Variants in CASZ1 observed in about 807,000 individuals in gnomAD.
CASZ1 encodes zinc finger protein castor homolog 1.
CASZ1 carries 28 observed loss-of-function variants against 135.2 expected under a neutral mutation model. The observed-to-expected ratio is 0.21, with a 90% confidence interval of 0.15 to 0.28. The LOEUF (loss-of-function observed/expected upper bound fraction) is 0.28, where lower values mean the gene tolerates loss of function less well. Ranked by LOEUF, CASZ1 falls within the 10% of genes least tolerant of loss-of-function variation. The pLI, the probability that CASZ1 is intolerant of heterozygous loss-of-function variation, is 1.00. For missense variants in CASZ1, 2,161 were observed against 2,453.3 expected (o/e 0.88, Z 2.52); for synonymous variants, 1,068 against 1,073.4 (o/e 0.99, Z 0.10).
intron 2 of CASZ1, among the ~76,000 whole-genome samples, chr1:10,730,151 C>G (rs1039963591): frequency 6.6e-6 from 1 of 151,938 alleles, no homozygotes; most frequent in Non-Finnish European, 1.5e-5. Flanking sequence ...TGCTCTGTCA[C>G]CCAGGCTGGA....
chr1:10,716,006 C>T (rs1393105287), intron 2 of CASZ1, among the ~76,000 whole-genome samples: 1 of 143,004 alleles, frequency 7.0e-6, no homozygotes, highest in African/African-American at 2.7e-5. Context: ...CCCACAGCAC[C>T]CAATCCACAC....
chr1:10,776,801 C>T lies in CASZ1; in HGVS notation c.-233-15944G>A, dbSNP rs1439275727. Among the ~76,000 whole-genome samples, 1 of 152,186 alleles carries T rather than the reference C, an allele frequency of 6.6e-6. No individual in the cohort carries two copies. The highest frequency in any genetic ancestry group is 2.4e-5 in the African/African-American group (1 of 41,438). The stretch of plus-strand genomic sequence containing the variant: ...TATGGGGGCCAACCCTCTTGCTCAT[C>T]TTGGGAGGTGGCTGCTTGCCAGCGA... On this transcript the variant is annotated intron_variant, in intron 1 of 20. Coordinates refer to ENST00000377022, the MANE Select transcript of CASZ1 (RefSeq NM_001079843.3). The surrounding 1 kb of genome is among the most constrained non-coding windows in gnomAD (Gnocchi z 4.1).
intron 2 of CASZ1, among the ~76,000 whole-genome samples, chr1:10,748,639 G>A (rs531228001): frequency 3.9e-5 from 6 of 152,144 alleles, no homozygotes; most frequent in African/African-American, 9.6e-5. Flanking sequence ...TCAGCTCCCC[G>A]ACCTGACCAC....
In CASZ1 at chr1:10,657,260, C is replaced by A. The variant is rs1008032075; in HGVS notation, c.1410-524G>T. On this transcript the variant is annotated intron_variant, in intron 7 of 20. Transcript: ENST00000377022. This position sits in a 1 kb window ranked among gnomAD's most constrained non-coding sequence, Gnocchi z 5.7. ...AGCAACGAGCTCACTCTCCAGCCGC[C>A]GCCGCCACCGCCAGGAACCTGTGCT... Among the ~76,000 whole-genome samples the A allele has an allele frequency of 6.6e-6, 1 of 152,228 alleles. No homozygotes were observed. Among genetic ancestry groups the A allele is most frequent in the Non-Finnish European group, 1.5e-5 (1 of 68,032 alleles).
chr1:10,779,101 T>C (rs1640713379), intron 1 of CASZ1, among the ~76,000 whole-genome samples: 2 of 152,124 alleles, frequency 1.3e-5, no homozygotes, highest in African/African-American at 4.8e-5. Flanking sequence ...AAAGAAAGTT[T>C]GTTGTTGAGG....
At position 10,643,186 on chromosome 1, in the gene CASZ1, T is replaced by C. The variant is rs1237203108; in HGVS notation, c.3994A>G (p.Asn1332Asp). Residue 1332 changes from asparagine to aspartate, a missense_variant, in exon 19 of 21, where the codon AAC becomes GAC. Transcript: ENST00000377022. ...TGGGAGGGGGGCACGCGGTCGAAGTTCTTCCCCAGCATCCTCCGCATGTGC... is the reference window on the plus strand; with the variant it reads ...TGGGAGGGGGGCACGCGGTCGAAGTCCTTCCCCAGCATCCTCCGCATGTGC... ...RKHMRRMLGKNFDRVPPSQGP... is the reference protein window; with the variant it reads ...RKHMRRMLGKDFDRVPPSQGP... 3 of 1,612,082 alleles carry C rather than the reference T, an allele frequency of 1.9e-6. No individual in the cohort carries two copies. The Admixed American group carries it at 5.0e-5, about 27-fold the overall frequency.
At chr1:10,691,457 G>A (rs1220386512) in intron 4 of CASZ1, among the ~76,000 whole-genome samples, 3 of 152,106 alleles carry the variant, frequency 2.0e-5, no homozygotes, top group Non-Finnish European at 4.4e-5. Context: ...AGATGTGTCC[G>A]GGGCCGCGGG....
At chr1:10,778,028 C>T (rs528901659) in intron 1 of CASZ1, among the ~76,000 whole-genome samples, 1 of 152,088 alleles carries the variant, frequency 6.6e-6, no homozygotes, top group African/African-American at 2.4e-5. Context: ...CAATCTCACA[C>T]ACAATCACAC....
At position 10,639,436 on chromosome 1, in the gene CASZ1, C is replaced by G; in HGVS notation, c.4786G>C (p.Glu1596Gln). The G allele has an allele frequency of 6.3e-7, 1 of 1,581,840 alleles. No individual in the cohort carries two copies. Among genetic ancestry groups the G allele is most frequent in the Non-Finnish European group, 8.6e-7 (1 of 1,165,118 alleles). The stretch of plus-strand genomic sequence containing the variant: ...GCGGGCTCGCCGCGCTCCTGCTTCT[C>G]GTGCTTGCGCTTGTGCGAGTCCATC... ...SQMDSHKRKH[E>Q]KQERGEPAAE... The change falls in exon 21 of 21, where the codon GAG becomes CAG. Residue 1596 changes from glutamate (E) to glutamine (Q), a missense_variant. Physicochemically the swap from Glu to Gln is conservative, Grantham distance 29. Coordinates refer to ENST00000377022, the MANE Select transcript of CASZ1 (RefSeq NM_001079843.3). This position sits in a 1 kb window ranked among gnomAD's most constrained non-coding sequence, Gnocchi z 4.0.
rs918819567 is a variant in CASZ1, at chr1:10,637,828, A to C, written c.*1114T>G. The C allele has an allele frequency of 1.3e-5, 2 of 152,468 alleles. No homozygotes were observed. The highest frequency in any genetic ancestry group is 6.5e-5 in the Admixed American group (1 of 15,284). 9.4% of individuals were successfully genotyped at this position (152,468 alleles called of 1,614,324 possible). A position where few individuals can be genotyped will look rare whatever the true frequency, so the allele number is the denominator to read the frequency against. ...AAGTAATAAAACAAACTGGAAAAAA[A>C]AAAAAGCCCTATAAAGCCACACGCA... On this transcript the variant is annotated 3_prime_UTR_variant, in exon 21 of 21. Transcript: ENST00000377022.
intron 2 of CASZ1, among the ~76,000 whole-genome samples, chr1:10,744,935 C>G (rs1056685022): frequency 3.3e-5 from 5 of 152,222 alleles, no homozygotes; most frequent in Admixed American, 6.5e-5. Flanking sequence ...CCCAATACCC[C>G]CTAAGACTCC....
rs1164775162 is a variant in CASZ1, at chr1:10,720,943, G to A, written c.-76-15399C>T. Among the ~76,000 whole-genome samples, 2 of 152,176 alleles carry A rather than the reference G, an allele frequency of 1.3e-5. No individual in the cohort carries two copies. Among genetic ancestry groups the A allele is most frequent in the Non-Finnish European group, 2.9e-5 (2 of 68,016 alleles). The stretch of plus-strand genomic sequence containing the variant: ...CCTCATGCCCTGCCTACCACCCACC[G>A]TCCCAGGGAAGTTCACCCTGCTCAG... On this transcript the variant is annotated intron_variant, in intron 2 of 20. Transcript: ENST00000377022. The surrounding 1 kb of genome is among the most constrained non-coding windows in gnomAD (Gnocchi z 5.7).
At chr1:10,656,494 G>C in intron 8 of CASZ1, 152 bp downstream of exon 8, 6 of 629,744 alleles carry the variant, frequency 9.5e-6, no homozygotes, top group Middle Eastern at 4.2e-4. Flanking sequence ...GGGCAGGCTG[G>C]TGGTTTTGCG....
In CASZ1 at chr1:10,654,103, C is replaced by T. The variant is rs994763103; in HGVS notation, c.1954G>A (p.Glu652Lys). 1.1e-5 allele frequency: 18 copies of T among 1,614,100 alleles called. No homozygotes were observed. The highest frequency in any genetic ancestry group is 1.4e-5 in the Non-Finnish European group (17 of 1,180,042). Residue 652 changes from glutamate (E) to lysine (K), a missense_variant, in exon 11 of 21, where the codon GAG becomes AAG. Physicochemically the swap from Glu to Lys is moderately conservative, Grantham distance 56. Transcript: ENST00000377022. ...ACGCAGCCCTCGTACTTGCACTCCT[C>T]GTACTTGTAGAACTTCTTGAAGCCG... ...KDGFKKFYKY[E>K]ECKYEGCVYS...
intron 2 of CASZ1, among the ~76,000 whole-genome samples, chr1:10,738,626 G>C (rs1188548504): frequency 6.6e-6 from 1 of 152,242 alleles, no homozygotes; most frequent in African/African-American, 2.4e-5. Flanking sequence ...GCTTCAGAGA[G>C]GCAGGGCCTC....
Position 10,767,703 on chromosome 1 carries a change from G to A in CASZ1, c.-233-6846C>T, listed in dbSNP as rs1022628001. Among the ~76,000 whole-genome samples the A allele has an allele frequency of 1.3e-5, 2 of 152,082 alleles. No individual in the cohort carries two copies. The highest frequency in any genetic ancestry group is 1.9e-4 in the East Asian group (1 of 5,192). On this transcript the variant is annotated intron_variant, in intron 1 of 20. Coordinates refer to ENST00000377022, the MANE Select transcript of CASZ1 (RefSeq NM_001079843.3). This position sits in a 1 kb window ranked among gnomAD's most constrained non-coding sequence, Gnocchi z 4.2. ...AATTCATCCATCGCAGAAGATAATC[G>A]ATAGAGCCCGTAATGAAAATCTGAG...
chr1:10,673,568 T>C (rs1324854872), intron 4 of CASZ1, among the ~76,000 whole-genome samples: 1 of 152,160 alleles, frequency 6.6e-6, no homozygotes, highest in Non-Finnish European at 1.5e-5. Flanking sequence ...TAACTGGAAC[T>C]GGCCGCCTGT....
At chr1:10,775,122 C>T (rs561504072) in intron 1 of CASZ1, among the ~76,000 whole-genome samples, 4 of 152,128 alleles carry the variant, frequency 2.6e-5, no homozygotes, top group Non-Finnish European at 5.9e-5. Flanking sequence ...CGGCAGACTC[C>T]GCCAGACATT....
At position 10,636,989 on chromosome 1, in the gene CASZ1, A is replaced by G. The variant is rs1422546308; in HGVS notation, c.*1953T>C. 1 of 152,434 alleles carries G rather than the reference A, an allele frequency of 6.6e-6. No homozygotes were observed. The highest frequency in any genetic ancestry group is 1.5e-5 in the Non-Finnish European group (1 of 68,040). The allele number at this position is 152,434 out of a possible 1,614,324, so 9.4% of individuals were successfully genotyped here. A position where few individuals can be genotyped will look rare whatever the true frequency, so the allele number is the denominator to read the frequency against. ...TTGGTGGATCAAGCATTGTTTCCCC[A>G]CAGAAAGAAAATAAAACAAAAATTA... On this transcript the variant is annotated 3_prime_UTR_variant, in exon 21 of 21. Coordinates refer to ENST00000377022, the MANE Select transcript of CASZ1 (RefSeq NM_001079843.3).
Sources: allele counts gnomAD v4.1 joint callset (sites outside exome capture counted in the v4.1 genomes callset), GRCh38; gene constraint gnomAD v4.1.1; non-coding constraint Gnocchi (gnomAD v3.1); transcripts MANE v1.5; gene names NCBI Gene and HGNC (gene_info 2026-07-23, HGNC 2026-07-21).